CLEC4C: variants seen among roughly 807,000 people sequenced by gnomAD.
The protein encoded by CLEC4C is C-type lectin domain family 4 member C.
Under a neutral mutation model 27.7 loss-of-function variants are expected in CLEC4C, and 17 were observed. The ratio of observed to expected loss-of-function variants is 0.61; its 90% CI spans 0.42 to 0.92. CLEC4C has a LOEUF of 0.92. CLEC4C is among the 40% of genes least tolerant of loss of function. The pLI is 0.00. For synonymous variants in CLEC4C, 80 were observed against 80.8 expected, an observed-to-expected ratio of 0.99 and a Z score of 0.06; for missense variants, 244 against 257.3, an observed-to-expected ratio of 0.95 and a Z score of 0.35.
chr12:7,740,683 A>G (rs2120413917), intron 3 of CLEC4C, among the ~76,000 whole-genome samples: 1 of 148,038 alleles, frequency 6.8e-6, no homozygotes. Context: ...CCTGGGCGAC[A>G]GAGTGAGACT....
At chr12:7,737,141 G>C (rs1864745168) in intron 4 of CLEC4C, among the ~76,000 whole-genome samples, 1 of 152,014 alleles carries the variant, frequency 6.6e-6, no homozygotes, top group African/African-American at 2.4e-5. Flanking sequence ...TGAGGCAGGA[G>C]AATCACTTGA....
At chr12:7,746,001 G>A (rs1046838485) in intron 2 of CLEC4C, among the ~76,000 whole-genome samples, 1 of 151,706 alleles carries the variant, frequency 6.6e-6, no homozygotes, top group Non-Finnish European at 1.5e-5. Flanking sequence ...GGATCACGAG[G>A]TCAGGAGATC....
intron 1 of CLEC4C, 35 bp downstream of exon 1, chr12:7,747,283 C>T: frequency 6.2e-7 from 1 of 1,608,464 alleles, no homozygotes; most frequent in South Asian, 1.1e-5. Flanking sequence ...CCTGCTCCTA[C>T]TACCTTCCCT....
intron 5 of CLEC4C, among the ~76,000 whole-genome samples, chr12:7,729,949 C>T (rs181613633): frequency 4.5e-4 from 68 of 152,274 alleles, no homozygotes; most frequent in Non-Finnish European, 7.9e-4. Context: ...GAAAACTGTT[C>T]CCATATGACC....
At chr12:7,745,582 G>C (rs1430784278) in intron 2 of CLEC4C, among the ~76,000 whole-genome samples, 3 of 151,562 alleles carry the variant, frequency 2.0e-5, no homozygotes, top group African/African-American at 7.3e-5. Context: ...ACAGGCGCGA[G>C]TCACTGCACC....
At chr12:7,740,794 G>A (rs1864835831) in intron 3 of CLEC4C, among the ~76,000 whole-genome samples, 1 of 151,858 alleles carries the variant, frequency 6.6e-6, no homozygotes. Context: ...GGAGCAGGAG[G>A]AAGTGAGACA....
At chr12:7,747,219 T>C (rs1021992417) in intron 1 of CLEC4C, 99 bp downstream of exon 1, 57 of 1,005,922 alleles carry the variant, frequency 5.7e-5, no homozygotes, top group Middle Eastern at 4.1e-4. Flanking sequence ...AAAAGCTGTC[T>C]ACTTCTTCTT....
rs765788960 is a variant in CLEC4C at position 7,735,780 on chromosome 12, C to A, written c.381+1649G>T. Among the ~76,000 whole-genome samples, 4 of 146,968 alleles carry A rather than the reference C, an allele frequency of 2.7e-5. No homozygotes were observed. In the South Asian group the frequency reaches 8.7e-4, roughly 32 times the overall value. Reference sequence around the variant, plus strand: ...ATCGAGCCACTGCACTCCAGCCTGGCGACAGAGCAAGACTCCATCTCAAAA... The same window carrying A: ...ATCGAGCCACTGCACTCCAGCCTGGAGACAGAGCAAGACTCCATCTCAAAA... On this transcript the variant is annotated intron_variant, in intron 4 of 5. Transcript: ENST00000360345.
intron 2 of CLEC4C, among the ~76,000 whole-genome samples, chr12:7,742,511 GAAA>G (rs58893714): frequency 0.25 from 29,170 of 118,876 alleles, 3,742 homozygotes; most frequent in Admixed American, 0.35. Flanking sequence ...ACTTTGTCTC[GAAA>G]AAAAAAAAAA....
chr12:7,741,635 C>A (rs551989014), intron 2 of CLEC4C, 104 bp from the exon 3 acceptor site: 3 of 672,204 alleles, frequency 4.5e-6, no homozygotes. Context: ...CGCCTGTAAT[C>A]TCAGCACTTT....
chr12:7,734,552 A>ATTTTT (rs34564177), intron 4 of CLEC4C, among the ~76,000 whole-genome samples: 333 of 142,860 alleles, frequency 2.3e-3, no homozygotes, highest in African/African-American at 7.9e-3. Context: ...GAGGCCTCCA[A>ATTTTT]TTTTTTTTTT....
Position 7,732,638 on chromosome 12 carries a change from C to T in CLEC4C, c.382-1726G>A, listed in dbSNP as rs187837006. ...AAGTGCTGGGATTACAGGCGTGAGC[C>T]ACCGTGCCCGACCACAGGTCACTTT... On this transcript the variant is annotated intron_variant, in intron 4 of 5. Coordinates refer to ENST00000360345, the MANE Select transcript of CLEC4C (RefSeq NM_001371390.1). Among the ~76,000 whole-genome samples, 554 of 151,952 alleles carry T rather than the reference C, an allele frequency of 3.6e-3. 12 individuals are homozygous for T. The highest frequency in any genetic ancestry group is 0.031 in the Middle Eastern group (9 of 294).
rs7302397 is a variant in CLEC4C at position 7,738,344 on chromosome 12, C to T, written c.236-770G>A. Among the ~76,000 whole-genome samples, 719 of 152,220 alleles carry T rather than the reference C, an allele frequency of 4.7e-3. 4 individuals carry two copies. Among genetic ancestry groups the T allele is most frequent in the African/African-American group, 0.016 (678 of 41,532 alleles). On this transcript the variant is annotated intron_variant, in intron 3 of 5. Transcript: ENST00000360345. ...ACATGCAAAACACTTAAGAGCAGTA[C>T]GTGCTGAAAAATATCCATCTCTCCT...
upstream of CLEC4C, among the ~76,000 whole-genome samples, chr12:7,748,875 T>A (rs1355879796): frequency 5.3e-5 from 8 of 152,314 alleles, no homozygotes; most frequent in East Asian, 1.3e-3. Context: ...AAAGCAGAAT[T>A]GCATGTAGGC....
At chr12:7,747,696 T>C (rs971226617), upstream of CLEC4C, among the ~76,000 whole-genome samples, 2 of 141,720 alleles carry the variant, frequency 1.4e-5, no homozygotes, top group African/African-American at 5.3e-5. Flanking sequence ...GGCTGGAGTA[T>C]AGTGGTGCAA....
At chr12:7,746,446 G>A (rs1864984823) in intron 1 of CLEC4C, 23 bp from the exon 2 acceptor site, 1 of 1,507,006 alleles carries the variant, frequency 6.6e-7, no homozygotes, top group East Asian at 2.3e-5. Flanking sequence ...CATGACAAAT[G>A]CACAGTCATA....
chr12:7,739,670 AATTTT>A (rs900622586), intron 3 of CLEC4C, among the ~76,000 whole-genome samples: 19 of 149,388 alleles, frequency 1.3e-4, no homozygotes, highest in South Asian at 6.4e-4. Context: ...TAAAGCTGAT[AATTTT>A]ATTTTATTTA....
At position 7,734,536 on chromosome 12, in the gene CLEC4C, A is replaced by G. The variant is rs370987402; in HGVS notation, c.381+2893T>C. Among the ~76,000 whole-genome samples the G allele has an allele frequency of 1.8e-4, 27 of 149,882 alleles. No homozygotes were observed. The South Asian group carries it at 4.1e-3, about 23-fold the overall frequency. On this transcript the variant is annotated intron_variant, in intron 4 of 5. Coordinates refer to ENST00000360345, the MANE Select transcript of CLEC4C (RefSeq NM_001371390.1). ...TGAAAATACTCTTTGGAAGAGAATA[A>G]TATCTGAGGCCTCCAATTTTTTTTT...
chr12:7,739,236 C>T (rs767744531), intron 3 of CLEC4C, among the ~76,000 whole-genome samples: 5 of 151,786 alleles, frequency 3.3e-5, no homozygotes, highest in African/African-American at 7.3e-5. Flanking sequence ...CCTCAGCCTC[C>T]GGAGTAGCTG....
Sources: gnomAD v4.1 joint callset for allele counts (sites outside exome capture counted in the v4.1 genomes callset) on GRCh38, gnomAD v4.1.1 for gene constraint, MANE v1.5 for transcripts, NCBI Gene and HGNC (gene_info 2026-07-23, HGNC 2026-07-21) for gene names.